FAM83A: variants seen among roughly 807,000 people sequenced by gnomAD.
The protein encoded by FAM83A is scaffolding CK1 anchoring protein A.
FAM83A carries 21 observed loss-of-function variants against 24.4 expected under a neutral mutation model. That is an observed-to-expected ratio of 0.86 (90% CI 0.61 to 1.24). The LOEUF is 1.24. FAM83A is among the 50% of genes most tolerant of loss of function. The pLI is 0.00. For missense variants in FAM83A, 617 were observed against 579.8 expected, an observed-to-expected ratio of 1.06 and a Z score of -0.66; for synonymous variants, 270 against 252.4, an observed-to-expected ratio of 1.07 and a Z score of -0.66.
At chr8:123,188,789 C>A (rs759576400) in intron 1 of FAM83A, among the ~76,000 whole-genome samples, 1 of 152,182 alleles carries the variant, frequency 6.6e-6, no homozygotes, top group Non-Finnish European at 1.5e-5. Flanking sequence ...GGCCTTCAAC[C>A]CACTATACCT....
intron 2 of FAM83A, among the ~76,000 whole-genome samples, chr8:123,192,551 G>C (rs951025876): frequency 1.3e-5 from 2 of 152,292 alleles, no homozygotes; most frequent in Middle Eastern, 3.4e-3. Flanking sequence ...ATAAATTTGA[G>C]GACAACTAAT....
intron 3 of FAM83A, among the ~76,000 whole-genome samples, chr8:123,197,610 A>G (rs1355814121): frequency 6.6e-6 from 1 of 152,230 alleles, no homozygotes. Context: ...GCGATTGTGA[A>G]TATTAGCTGA....
At chr8:123,184,415 A>G (rs1286477069) in intron 1 of FAM83A, among the ~76,000 whole-genome samples, 2 of 152,092 alleles carry the variant, frequency 1.3e-5, no homozygotes, top group Admixed American at 6.5e-5. Context: ...GAATCCAGCC[A>G]GTGGCCAGGC....
rs552275560 is a variant in FAM83A at position 123,204,284 on chromosome 8, A to T, written c.774-2873A>T. ...AATTTTTTTAAGAGAAAAAATTTTT[A>T]AAAAAGATGTGACCTTTTCTTTTAG... On this transcript the variant is annotated intron_variant, in intron 3 of 3. Transcript: ENST00000690554. Among the ~76,000 whole-genome samples the T allele has an allele frequency of 5.9e-5, 9 of 152,296 alleles. No individual in the cohort carries two copies. In the East Asian group the frequency reaches 7.7e-4, roughly 13 times the overall value.
chr8:123,182,011 C>T (rs879518261), upstream of FAM83A: 8 of 456,100 alleles, frequency 1.8e-5, no homozygotes, highest in Non-Finnish European at 3.5e-5. Context: ...CCACGTGCTG[C>T]TCCTCTCACT....
exon 1 of FAM83A, chr8:123,183,200 C>T (rs775243358): frequency 3.7e-5 from 59 of 1,613,492 alleles, no homozygotes; most frequent in Non-Finnish European, 4.5e-5. Context: ...GGCAGCGAGC[C>T]GGCCCTACTG....
upstream of FAM83A, chr8:123,179,277 A>T (rs553792481): frequency 6.6e-6 from 1 of 152,212 alleles, no homozygotes; most frequent in South Asian, 2.1e-4. Flanking sequence ...TTCTGCCCTC[A>T]TGTATTCATG....
chr8:123,188,937 T>G (rs970743086), intron 1 of FAM83A, among the ~76,000 whole-genome samples: 3 of 152,258 alleles, frequency 2.0e-5, no homozygotes, highest in African/African-American at 4.8e-5. Flanking sequence ...TTCAAGATGC[T>G]GGGTTATTTC....
intron 3 of FAM83A, among the ~76,000 whole-genome samples, chr8:123,195,439 ATCTTTCTTTAGCCT>A (rs1239081284): frequency 1.3e-5 from 2 of 152,216 alleles, no homozygotes; most frequent in African/African-American, 4.8e-5. Flanking sequence ...AAAATGTGCT[ATCTTTCTTTAGCCT>A]TATTAGTGCC....
intron 3 of FAM83A, among the ~76,000 whole-genome samples, chr8:123,200,914 C>G (rs770622869): frequency 2.0e-5 from 3 of 150,642 alleles, no homozygotes; most frequent in African/African-American, 7.4e-5. Context: ...GAGATCCACT[C>G]TAGCCTAGGT....
chr8:123,194,934 C>G (rs753900050), intron 3 of FAM83A, among the ~76,000 whole-genome samples: 1 of 152,280 alleles, frequency 6.6e-6, no homozygotes, highest in Non-Finnish European at 1.5e-5. Flanking sequence ...AATGACTGAC[C>G]ACCCATTTAT....
intron 1 of FAM83A, among the ~76,000 whole-genome samples, chr8:123,188,652 T>C (rs955961112): frequency 2.6e-5 from 4 of 152,018 alleles, no homozygotes; most frequent in Non-Finnish European, 5.9e-5. Flanking sequence ...CTGAGTTGAT[T>C]TTGTATTTTT....
In FAM83A at chr8:123,209,266, G is replaced by A; in HGVS notation, c.*1578G>A. On this transcript the variant is annotated 3_prime_UTR_variant, in exon 4 of 4. Transcript: ENST00000690554. This position sits in a 1 kb window ranked among gnomAD's most constrained non-coding sequence, Gnocchi z 4.7. ...TCCTGGTGGCCTCTGACCCCTGACG[G>A]CCTGTGGCATCCTCCCTAGTCCCCT... 3.9e-6 allele frequency: 5 copies of A among 1,289,500 alleles called. No homozygotes were observed. The highest frequency in any genetic ancestry group is 3.0e-5 in the East Asian group (1 of 33,064). 79.9% of individuals were successfully genotyped at this position (1,289,500 alleles called of 1,614,324 possible).
At chr8:123,183,503 G>C (rs1823686254) in intron 1 of FAM83A, among the ~76,000 whole-genome samples, 167 bp downstream of exon 1, 1 of 151,972 alleles carries the variant, frequency 6.6e-6, no homozygotes. Flanking sequence ...CTGACCTCCT[G>C]ATCCCACCTG....
At chr8:123,204,662 T>C (rs2131104529) in intron 3 of FAM83A, among the ~76,000 whole-genome samples, 1 of 152,040 alleles carries the variant, frequency 6.6e-6, no homozygotes, top group Middle Eastern at 3.4e-3. Context: ...CTTGGGAGGC[T>C]GAGGCAGGAG....
In FAM83A at chr8:123,183,115, G is replaced by T. The variant is rs770504126; in HGVS notation, c.259G>T (p.Gly87Trp). ...CCCGTGTCCCCCAGACACCCTGGGA[G>T]GGGCGGAAGCAGGCCCTAAGGGACT... Residue 87 changes from glycine (G) to tryptophan (W), a missense_variant, in exon 1 of 4, where the codon GGG (glycine) becomes TGG (tryptophan). Gly to Trp is a radical substitution (Grantham distance 184). Coordinates refer to ENST00000690554, the Ensembl canonical transcript of FAM83A. 13 of 1,613,860 alleles carry T rather than the reference G, an allele frequency of 8.1e-6. No homozygotes were observed. The South Asian group carries it at 1.3e-4, about 16-fold the overall frequency.
intron 2 of FAM83A, among the ~76,000 whole-genome samples, chr8:123,193,381 C>T (rs939078977): frequency 6.6e-6 from 1 of 152,210 alleles, no homozygotes; most frequent in South Asian, 2.1e-4. Context: ...GGCCTAGACT[C>T]GGGGCTCCAT....
chr8:123,192,696 A>G (rs1217060509), intron 2 of FAM83A, among the ~76,000 whole-genome samples: 1 of 152,182 alleles, frequency 6.6e-6, no homozygotes, highest in African/African-American at 2.4e-5. Context: ...AACCTCCCAG[A>G]TAAGAATGAA....
At chr8:123,202,389 A>G (rs892436176) in intron 3 of FAM83A, 34 of 153,376 alleles carry the variant, frequency 2.2e-4, no homozygotes, top group African/African-American at 7.5e-4. Context: ...TGTAGGTGGC[A>G]GCTTCCAGAT....
Sources: gnomAD v4.1 joint callset for allele counts (sites outside exome capture counted in the v4.1 genomes callset) on GRCh38, gnomAD v4.1.1 for gene constraint, Gnocchi (gnomAD v3.1) non-coding constraint, MANE v1.5 for transcripts, NCBI Gene and HGNC (gene_info 2026-07-23, HGNC 2026-07-21) for gene names.